Variants in SPATA6L observed in about 807,000 individuals in gnomAD.
SPATA6L encodes the protein spermatogenesis associated 6 like.
SPATA6L carries 68 observed loss-of-function variants against 49.2 expected under a neutral mutation model. The ratio of observed to expected loss-of-function variants is 1.38; its 90% CI spans 1.14 to 1.69. The LOEUF is 1.69. Ranked by LOEUF, SPATA6L falls within the 40% of genes most tolerant of loss-of-function variation. SPATA6L has a pLI of 0.00. For missense variants in SPATA6L, 668 were observed against 464.3 expected (o/e 1.44, Z -4.03); for synonymous variants, 198 against 165.7 (o/e 1.19, Z -1.50).
At chr9:4,637,804 T>C (rs773128029) in intron 3 of SPATA6L, among the ~76,000 whole-genome samples, 4 of 152,224 alleles carry the variant, frequency 2.6e-5, no homozygotes, top group South Asian at 4.1e-4. Flanking sequence ...TAAAGTAAGA[T>C]AACTTGCTTA....
chr9:4,593,974 G>T (rs1468167981), downstream of SPATA6L, among the ~76,000 whole-genome samples: 1 of 152,076 alleles, frequency 6.6e-6, no homozygotes, highest in Non-Finnish European at 1.5e-5. Context: ...CAATATTATG[G>T]ATTCCACTAC....
At chr9:4,595,237 T>G (rs566035509), downstream of SPATA6L, among the ~76,000 whole-genome samples, 1 of 152,108 alleles carries the variant, frequency 6.6e-6, no homozygotes, top group South Asian at 2.1e-4. Flanking sequence ...GCCAGGTACC[T>G]CCCCCATACA....
At chr9:4,608,546 C>T (rs1825883027) in intron 9 of SPATA6L, among the ~76,000 whole-genome samples, 1 of 125,458 alleles carries the variant, frequency 8.0e-6, no homozygotes. Context: ...TGAATGACTA[C>T]TGGGTACATA....
At position 4,589,476 on chromosome 9, in the gene SPATA6L, G is replaced by A. The variant is rs902344706; in HGVS notation, c.*255-515C>T. 5.3e-5 allele frequency among the ~76,000 whole-genome samples: 8 copies of A among 152,198 alleles called. No homozygotes were observed. The East Asian group carries it at 5.8e-4, about 11-fold the overall frequency. The stretch of plus-strand genomic sequence containing the variant: ...AGTATATCCAACCTAGTGAGACTTC[G>A]TAAACAGCCCCCATTCTATAAAGGG... On this transcript the variant is annotated intron_variant and NMD_transcript_variant, in intron 13 of 13. Coordinates refer to the SPATA6L transcript ENST00000461761.
intron 3 of SPATA6L, among the ~76,000 whole-genome samples, chr9:4,648,573 G>GCA (rs1836002589): frequency 6.6e-6 from 1 of 150,750 alleles, no homozygotes; most frequent in South Asian, 2.1e-4. Context: ...GGTGGCGGGA[G>GCA]CCTGTGGTCC....
intron 5 of SPATA6L, chr9:4,627,880 T>G: frequency 9.2e-7 from 1 of 1,085,324 alleles, no homozygotes; most frequent in Non-Finnish European, 1.2e-6. Context: ...AACAGATGAA[T>G]GGATAAAGAA....
At chr9:4,618,135 G>T in intron 8 of SPATA6L, 25 bp from the exon 9 acceptor site, 1 of 1,566,174 alleles carries the variant, frequency 6.4e-7, no homozygotes, top group Non-Finnish European at 8.7e-7. Context: ...GCATTATTTA[G>T]TTGTAATTTT....
At chr9:4,624,594 G>C (rs1016422014) in intron 6 of SPATA6L, among the ~76,000 whole-genome samples, 1 of 152,100 alleles carries the variant, frequency 6.6e-6, no homozygotes, top group African/African-American at 2.4e-5. Context: ...CGGGTGTGGT[G>C]GTGGGCACCT....
intron 7 of SPATA6L, 114 bp downstream of exon 7, chr9:4,622,294 G>A (rs1829499770): frequency 1.5e-5 from 10 of 683,330 alleles, no homozygotes; most frequent in Non-Finnish European, 2.3e-5. Flanking sequence ...GAGTACTTGA[G>A]AATTAGGCTC....
intron 4 of SPATA6L, 135 bp downstream of exon 4, chr9:4,635,140 G>C: frequency 1.2e-6 from 1 of 843,016 alleles, no homozygotes; most frequent in Non-Finnish European, 1.7e-6. Context: ...CTTGAGTTGG[G>C]CATCAAAACA....
At chr9:4,607,163 T>A (rs1198403090) in intron 9 of SPATA6L, among the ~76,000 whole-genome samples, 1 of 151,990 alleles carries the variant, frequency 6.6e-6, no homozygotes, top group Non-Finnish European at 1.5e-5. Flanking sequence ...CAAATCTACG[T>A]CTGATTGGTA....
chr9:4,664,006 C>G, intron 1 of SPATA6L: 1 of 167,160 alleles, frequency 6.0e-6, no homozygotes. Context: ...AAAAAGCCAA[C>G]TTGCTTAAAG....
chr9:4,618,993 T>C, intron 7 of SPATA6L, 95 bp from the exon 8 acceptor site: 1 of 1,112,730 alleles, frequency 9.0e-7, no homozygotes, highest in Non-Finnish European at 1.3e-6. Flanking sequence ...ACAAAAATTT[T>C]AGACAATGAA....
intron 11 of SPATA6L, among the ~76,000 whole-genome samples, chr9:4,601,652 G>A (rs551748243): frequency 2.0e-5 from 3 of 152,256 alleles, no homozygotes; most frequent in Middle Eastern, 3.4e-3. Context: ...GGGGAGCCAG[G>A]ACCTGGCAGT....
chr9:4,622,474 C>G lies in SPATA6L; in HGVS notation c.706G>C (p.Glu236Gln), dbSNP rs1271125475. Residue 236 changes from glutamate (E) to glutamine (Q), a missense_variant, in exon 7 of 12, where the codon GAG becomes CAG. Physicochemically the swap from Glu to Gln is conservative, Grantham distance 29. Coordinates refer to ENST00000682582, the MANE Select transcript of SPATA6L (RefSeq NM_001353486.2). ...SAKPFGENISEHHLRRSRRKS... is the reference protein window; with the variant it reads ...SAKPFGENISQHHLRRSRRKS... ...CTTCTAGACCTCCTCAAATGATGCT[C>G]TGAAATATTCTCACCAAAGGGCTTT... 8 of 1,613,692 alleles carry G rather than the reference C, an allele frequency of 5.0e-6. No individual in the cohort carries two copies. Among genetic ancestry groups the G allele is most frequent in the Non-Finnish European group, 5.1e-6 (6 of 1,179,900 alleles).
At chr9:4,618,476 T>A (rs1828530420) in intron 8 of SPATA6L, among the ~76,000 whole-genome samples, 2 of 152,242 alleles carry the variant, frequency 1.3e-5, no homozygotes, top group East Asian at 3.8e-4. Flanking sequence ...TTTCTTTGCA[T>A]AAATCTATTC....
chr9:4,656,198 G>A (rs1018174541), intron 2 of SPATA6L, 109 bp from the exon 3 acceptor site: 5 of 850,870 alleles, frequency 5.9e-6, no homozygotes, highest in Admixed American at 2.3e-5. Flanking sequence ...TAGCACTTTG[G>A]GAGGCCGAGG....
At chr9:4,629,201 T>G in intron 4 of SPATA6L, 33 bp from the exon 5 acceptor site, 1 of 1,465,868 alleles carries the variant, frequency 6.8e-7, no homozygotes. Context: ...CAAATAAAAT[T>G]ACTAGAAACA....
chr9:4,661,772 C>CGG, intron 2 of SPATA6L, 127 bp downstream of exon 2: 5 of 938,890 alleles, frequency 5.3e-6, no homozygotes, highest in East Asian at 3.4e-5. Context: ...TTGCATTGTG[C>CGG]TGAAGTGCTT....
Sources: allele counts gnomAD v4.1 joint callset (sites outside exome capture counted in the v4.1 genomes callset), GRCh38; gene constraint gnomAD v4.1.1; transcripts MANE v1.5; gene names NCBI Gene and HGNC (gene_info 2026-07-23, HGNC 2026-07-21).